The following ING3 variants were observed in gnomAD, a reference collection of about 807,000 sequenced individuals.
The protein encoded by ING3 is inhibitor of growth family member 3.
A neutral mutation model predicts 64.8 loss-of-function variants in ING3; 6 were observed. That is an observed-to-expected ratio of 0.09 (90% confidence interval 0.05 to 0.18). The LOEUF is 0.18. ING3 is among the 10% of genes least tolerant of loss of function. ING3 has a pLI of 1.00. For synonymous variants in ING3, 170 were observed against 173.7 expected (o/e 0.98, Z 0.17); for missense variants, 310 against 489.7 (o/e 0.63, Z 3.46).
chr7:120,950,904 A>G lies in ING3; in HGVS notation c.8A>G (p.Tyr3Cys). MLYLEDYLEMIEQ... is the reference protein window; with the variant it reads MLCLEDYLEMIEQ... The stretch of plus-strand genomic sequence containing the variant: ...TCAGCTCTAAGGGCCGCGATGTTGT[A>G]CCTAGAAGACTATCTGGAAAGTGAG... Residue 3 changes from tyrosine (Y) to cysteine (C), a missense_variant, in exon 1 of 12, where the codon TAC becomes TGC. By Grantham distance (194) the Tyr-to-Cys change is radical. Coordinates refer to ENST00000315870, the MANE Select transcript of ING3 (RefSeq NM_019071.3). 1 of 1,613,236 alleles carries G rather than the reference A, an allele frequency of 6.2e-7. No individual in the cohort carries two copies. Among genetic ancestry groups the G allele is most frequent in the Non-Finnish European group, 8.5e-7 (1 of 1,179,700 alleles).
chr7:120,965,366 C>T (rs1457873311), intron 5 of ING3, among the ~76,000 whole-genome samples: 1 of 152,152 alleles, frequency 6.6e-6, no homozygotes. Flanking sequence ...TTGCAAGGCT[C>T]TATTTGATCT....
chr7:120,964,690 C>G lies in ING3; in HGVS notation c.268-52C>G, dbSNP rs1795975563. 2.8e-6 allele frequency: 4 copies of G among 1,448,502 alleles called. No individual in the cohort carries two copies. In the South Asian group the frequency reaches 4.6e-5, roughly 17 times the overall value. 89.7% of individuals were successfully genotyped at this position (1,448,502 alleles called of 1,614,324 possible). A position where few individuals can be genotyped will look rare whatever the true frequency, so the allele number is the denominator to read the frequency against. ...TTTAGGTTTCCTCATTAAGCTGACACTTTAACAGTGTCCCAAATTTTGGTG... is the reference window on the plus strand; with the variant it reads ...TTTAGGTTTCCTCATTAAGCTGACAGTTTAACAGTGTCCCAAATTTTGGTG... On this transcript the variant is annotated intron_variant, in intron 4 of 11. Coordinates refer to ENST00000315870, the MANE Select transcript of ING3 (RefSeq NM_019071.3).
intron 4 of ING3, chr7:120,956,933 T>C: frequency 1.9e-6 from 1 of 531,114 alleles, no homozygotes; most frequent in Non-Finnish European, 2.4e-6. Flanking sequence ...TAAAGATATT[T>C]TGTGTATTTA....
intron 11 of ING3, 124 bp downstream of exon 11, chr7:120,973,367 T>G (rs1796093029): frequency 3.3e-6 from 2 of 614,876 alleles, no homozygotes; most frequent in Admixed American, 5.5e-5. Context: ...TTAGTTATAT[T>G]ATGCTAATGC....
chr7:120,952,000 C>T (rs1795773406), intron 2 of ING3, among the ~76,000 whole-genome samples: 3 of 152,176 alleles, frequency 2.0e-5, no homozygotes, highest in Admixed American at 6.5e-5. Context: ...GGCTTCTCTG[C>T]CCATGACCAC....
rs749671790 is a variant in ING3, at chr7:120,975,535, G to GTCA, written c.*691_*692insTCA. The GTCA allele has an allele frequency of 3.3e-5, 5 of 149,672 alleles. No individual in the cohort carries two copies. The highest frequency in any genetic ancestry group is 7.4e-5 in the Non-Finnish European group (5 of 67,630). 9.3% of individuals were successfully genotyped at this position (149,672 alleles called of 1,614,324 possible). The stretch of plus-strand genomic sequence containing the variant: ...TGCAGTTCATGAGGGAGGGGGCGGG[G>GTCA]GACTGAAGGGGAAAGGGCGTTAAAG... On this transcript the variant is annotated 3_prime_UTR_variant, in exon 12 of 12. Coordinates refer to ENST00000315870, the MANE Select transcript of ING3 (RefSeq NM_019071.3).
chr7:120,968,909 T>A, intron 8 of ING3, 102 bp from the exon 9 acceptor site: 3 of 649,838 alleles, frequency 4.6e-6, no homozygotes, highest in South Asian at 2.6e-5. Flanking sequence ...ACAATATAAA[T>A]TAACATTTGA....
intron 1 of ING3, 116 bp from the exon 2 acceptor site, chr7:120,951,048 T>A (rs943823958): frequency 1.0e-4 from 151 of 1,506,796 alleles, no homozygotes; most frequent in Non-Finnish European, 1.3e-4. Flanking sequence ...TCACGGTAAC[T>A]GGCAGCCTCG....
chr7:120,966,734 A>G, intron 6 of ING3, 37 bp downstream of exon 6: 1 of 1,407,928 alleles, frequency 7.1e-7, no homozygotes, highest in East Asian at 2.3e-5. Context: ...TTTAAAAACA[A>G]TGAAAACCTT....
chr7:120,976,518 C>T lies in ING3; in HGVS notation c.*1674C>T, dbSNP rs1796137221. The T allele has an allele frequency of 6.6e-6, 1 of 152,090 alleles. No individual in the cohort carries two copies. Among genetic ancestry groups the T allele is most frequent in the Non-Finnish European group, 1.5e-5 (1 of 68,012 alleles). 9.4% of individuals were successfully genotyped at this position (152,090 alleles called of 1,614,324 possible). Reference sequence around the variant, plus strand: ...TCATGATTATCACGATTTCATGATACTCAATATTTTGAGATTTTATAACCC... The same window carrying T: ...TCATGATTATCACGATTTCATGATATTCAATATTTTGAGATTTTATAACCC... On this transcript the variant is annotated 3_prime_UTR_variant, in exon 12 of 12. Coordinates refer to ENST00000315870, the MANE Select transcript of ING3 (RefSeq NM_019071.3).
At chr7:120,950,976 G>T in intron 1 of ING3, 52 bp downstream of exon 1, 1 of 1,602,008 alleles carries the variant, frequency 6.2e-7, no homozygotes. Context: ...GGGCGGGCAA[G>T]AGCGCGAGTG....
Position 120,968,049 on chromosome 7 carries a change from A to G in ING3, c.672A>G (p.Ala224=). The stretch of plus-strand genomic sequence containing the variant: ...TATCTTCAGGAACTGGTGCAGGGGC[A>G]ATTACCATGGCAGCTGCTCAAGCAG... ...GSLSSGTGAG[A]ITMAAAQAVQ... is the part of the protein sequence containing the mutation. The change falls in exon 8 of 12, where the codon GCA becomes GCG. Residue 224 remains alanine, a synonymous_variant. Coordinates refer to ENST00000315870, the MANE Select transcript of ING3 (RefSeq NM_019071.3). 2 of 1,614,170 alleles carry G rather than the reference A, an allele frequency of 1.2e-6. No individual in the cohort carries two copies. The highest frequency in any genetic ancestry group is 1.7e-6 in the Non-Finnish European group (2 of 1,180,024).
At chr7:120,960,486 A>G (rs1283879322) in intron 4 of ING3, among the ~76,000 whole-genome samples, 2 of 152,240 alleles carry the variant, frequency 1.3e-5, no homozygotes, top group African/African-American at 4.8e-5. Flanking sequence ...AATTTATGGT[A>G]CATCACCATA....
intron 4 of ING3, among the ~76,000 whole-genome samples, chr7:120,964,045 G>A (rs1795967843): frequency 6.6e-6 from 1 of 152,010 alleles, no homozygotes; most frequent in Non-Finnish European, 1.5e-5. Flanking sequence ...TTAGTTTGAA[G>A]TGTCATATAA....
At chr7:120,973,692 T>C (rs773434176) in intron 11 of ING3, among the ~76,000 whole-genome samples, 3 of 152,214 alleles carry the variant, frequency 2.0e-5, no homozygotes, top group Admixed American at 6.5e-5. Flanking sequence ...TTTCCTGTAC[T>C]CTGCAGGTGT....
chr7:120,969,743 C>T (rs1395554221), intron 9 of ING3, among the ~76,000 whole-genome samples: 1 of 152,126 alleles, frequency 6.6e-6, no homozygotes, highest in Non-Finnish European at 1.5e-5. Flanking sequence ...TTATCACTGT[C>T]TATCCCAGGT....
intron 4 of ING3, chr7:120,956,978 A>ATG (rs893254017): frequency 9.2e-5 from 36 of 389,966 alleles, no homozygotes; most frequent in East Asian, 1.6e-4. Flanking sequence ...CTTTTTAAAT[A>ATG]TGTGTGTGTG....
chr7:120,961,964 A>T (rs565965467), intron 4 of ING3, among the ~76,000 whole-genome samples: 81 of 152,250 alleles, frequency 5.3e-4, no homozygotes, highest in Middle Eastern at 3.4e-3. Flanking sequence ...ATGAAAGCAG[A>T]TGTTTGTGGA....
At position 120,976,974 on chromosome 7, in the gene ING3, G is replaced by T. The variant is rs1025044780; in HGVS notation, c.*2130G>T. The T allele has an allele frequency of 6.6e-6, 1 of 152,120 alleles. No individual in the cohort carries two copies. The highest frequency in any genetic ancestry group is 2.4e-5 in the African/African-American group (1 of 41,422). 9.4% of individuals were successfully genotyped at this position (152,120 alleles called of 1,614,324 possible). Reference sequence around the variant, plus strand: ...ACCTCATCAACCCCCCAAAAATGTGGCCAACTATTAATATTCTTTGTGACA... The same window carrying T: ...ACCTCATCAACCCCCCAAAAATGTGTCCAACTATTAATATTCTTTGTGACA... On this transcript the variant is annotated 3_prime_UTR_variant, in exon 12 of 12. Coordinates refer to ENST00000315870, the MANE Select transcript of ING3 (RefSeq NM_019071.3).
Sources: allele counts gnomAD v4.1 joint callset (sites outside exome capture counted in the v4.1 genomes callset), GRCh38; gene constraint gnomAD v4.1.1; transcripts MANE v1.5; gene names NCBI Gene and HGNC (gene_info 2026-07-23, HGNC 2026-07-21).